DNAH9: variants seen among roughly 807,000 people sequenced by gnomAD.
DNAH9 encodes the protein dynein axonemal heavy chain 9.
Under a neutral mutation model 471.6 loss-of-function variants are expected in DNAH9, and 345 were observed. The observed-to-expected ratio is 0.73, with a 90% CI of 0.67 to 0.80. The LOEUF (loss-of-function observed/expected upper bound fraction) is 0.80, where lower values mean the gene tolerates loss of function less well. DNAH9 is among the 30% of genes least tolerant of loss of function. DNAH9 has a pLI of 0.00. For synonymous variants in DNAH9, 2,093 were observed against 2,123.6 expected (o/e 0.99, Z 0.40); for missense variants, 5,407 against 5,609.2 (o/e 0.96, Z 1.15).
chr17:11,809,878 G>A (rs1254688218), intron 44 of DNAH9, among the ~76,000 whole-genome samples: 2 of 152,006 alleles, frequency 1.3e-5, no homozygotes, highest in Non-Finnish European at 2.9e-5. Context: ...CAGATAAATG[G>A]GGGACCACCT....
chr17:11,687,549 A>C (rs559648275), intron 19 of DNAH9, among the ~76,000 whole-genome samples: 2 of 152,176 alleles, frequency 1.3e-5, no homozygotes, highest in African/African-American at 2.4e-5. Flanking sequence ...AAACACATGC[A>C]TGTACACACA....
At chr17:11,761,341 G>A (rs4792169) in intron 35 of DNAH9, among the ~76,000 whole-genome samples, 141,910 of 152,254 alleles carry the variant, frequency 0.93, 66,592 homozygotes, top group Non-Finnish European at 0.99. Context: ...CCAGTGACCA[G>A]CTCCCTGGCT....
At chr17:11,720,790 T>A (rs2150803972) in intron 27 of DNAH9, among the ~76,000 whole-genome samples, 1 of 152,256 alleles carries the variant, frequency 6.6e-6, no homozygotes, top group East Asian at 1.9e-4. Context: ...AAAGCAAGGA[T>A]CTAGACCCAA....
At chr17:11,712,909 A>AG (rs2074898457) in intron 26 of DNAH9, among the ~76,000 whole-genome samples, 2 of 150,840 alleles carry the variant, frequency 1.3e-5, no homozygotes, top group African/African-American at 2.5e-5. Flanking sequence ...AAAAAAAAAA[A>AG]CTTTTATTTT....
At chr17:11,921,071 G>A (rs1974121555) in intron 61 of DNAH9, among the ~76,000 whole-genome samples, 1 of 151,894 alleles carries the variant, frequency 6.6e-6, no homozygotes, top group African/African-American at 2.4e-5. Context: ...AATCTGAGAG[G>A]TGGAGGCTGC....
intron 61 of DNAH9, among the ~76,000 whole-genome samples, chr17:11,906,336 A>T (rs1299981047): frequency 6.6e-6 from 1 of 152,190 alleles, no homozygotes; most frequent in African/African-American, 2.4e-5. Context: ...GATAAAGAAA[A>T]TGTGGTACGG....
chr17:11,833,038 A>C (rs951834819), intron 48 of DNAH9, among the ~76,000 whole-genome samples: 6 of 152,166 alleles, frequency 3.9e-5, no homozygotes, highest in African/African-American at 1.4e-4. Flanking sequence ...AGGACTTGAG[A>C]GTTTGCATTT....
At chr17:11,886,435 AAAG>A (rs1312072036) in intron 56 of DNAH9, among the ~76,000 whole-genome samples, 1 of 152,184 alleles carries the variant, frequency 6.6e-6, no homozygotes, top group Non-Finnish European at 1.5e-5. Context: ...AATTAAGAAA[AAAG>A]AAGACTATAC....
rs191506309 is a variant in DNAH9 at position 11,613,615 on chromosome 17, A to T, written c.904+1835A>T. On this transcript the variant is annotated intron_variant, in intron 4 of 68. Coordinates refer to ENST00000262442, the MANE Select transcript of DNAH9 (RefSeq NM_001372.4). ...CGAGACTCCGTCTAAAATTTAAAAA[A>T]TAAAATAAAATTGTTTGAGGGTAAT... Among the ~76,000 whole-genome samples, 105 of 152,346 alleles carry T rather than the reference A, an allele frequency of 6.9e-4. No individual in the cohort carries two copies. In the East Asian group the frequency reaches 0.018, roughly 26 times the overall value.
At chr17:11,810,468 A>T in intron 45 of DNAH9, 99 bp downstream of exon 45, 1 of 1,469,608 alleles carries the variant, frequency 6.8e-7, no homozygotes, top group Non-Finnish European at 9.1e-7. Flanking sequence ...GAGTAAGGTC[A>T]TAGTAATGAG....
At chr17:11,614,317 A>G (rs183552286) in intron 4 of DNAH9, among the ~76,000 whole-genome samples, 2 of 152,328 alleles carry the variant, frequency 1.3e-5, no homozygotes, top group East Asian at 1.9e-4. Flanking sequence ...AGGAAAAGAA[A>G]TATTTCTGGA....
intron 18 of DNAH9, 101 bp downstream of exon 18, chr17:11,680,080 G>T (rs1336226781): frequency 9.1e-6 from 8 of 877,570 alleles, no homozygotes; most frequent in Admixed American, 2.4e-5. Flanking sequence ...ACAGGGCTTG[G>T]AGCTGCAAGA....
intron 39 of DNAH9, among the ~76,000 whole-genome samples, chr17:11,782,046 C>T (rs978133777): frequency 6.0e-5 from 9 of 151,190 alleles, no homozygotes; most frequent in South Asian, 4.2e-4. Flanking sequence ...ACCTTTCTAC[C>T]GCATACTGAA....
intron 67 of DNAH9, among the ~76,000 whole-genome samples, chr17:11,952,728 A>T (rs1597869475): frequency 6.6e-6 from 1 of 151,130 alleles, no homozygotes; most frequent in Non-Finnish European, 1.5e-5. Context: ...CTTAAAGGCC[A>T]TTTTTTTTTC....
intron 17 of DNAH9, 145 bp from the exon 18 acceptor site, chr17:11,679,612 A>G (rs2074099898): frequency 3.1e-6 from 2 of 651,874 alleles, no homozygotes; most frequent in African/African-American, 1.8e-5. Context: ...ACATCAGAGC[A>G]TAGTCTATGC....
At chr17:11,755,557 A>G (rs1967346775) in intron 33 of DNAH9, among the ~76,000 whole-genome samples, 1 of 152,154 alleles carries the variant, frequency 6.6e-6, no homozygotes, top group Non-Finnish European at 1.5e-5. Flanking sequence ...TATAAAAGGA[A>G]CAGTATTAAT....
At chr17:11,800,928 A>C (rs1343088789) in intron 43 of DNAH9, among the ~76,000 whole-genome samples, 1 of 152,182 alleles carries the variant, frequency 6.6e-6, no homozygotes, top group African/African-American at 2.4e-5. Flanking sequence ...GAAAACAGAG[A>C]GGGAAGGGGA....
chr17:11,900,054 A>G (rs985368678), intron 59 of DNAH9, among the ~76,000 whole-genome samples: 10 of 151,996 alleles, frequency 6.6e-5, no homozygotes, highest in African/African-American at 2.4e-4. Flanking sequence ...TCTACATAAC[A>G]GTATGAGATA....
intron 41 of DNAH9, among the ~76,000 whole-genome samples, chr17:11,785,060 A>G (rs1968814209): frequency 2.6e-5 from 4 of 152,136 alleles, no homozygotes. Flanking sequence ...TTTCTAGACT[A>G]AAGCTGTTTC....
Sources: allele counts gnomAD v4.1 joint callset (sites outside exome capture counted in the v4.1 genomes callset), GRCh38; gene constraint gnomAD v4.1.1; transcripts MANE v1.5; gene names NCBI Gene and HGNC (gene_info 2026-07-23, HGNC 2026-07-21).